The following IGF1R variants were observed in gnomAD, a reference collection of about 807,000 sequenced individuals.
IGF1R encodes insulin-like growth factor 1 receptor.
A neutral mutation model predicts 144.6 loss-of-function variants in IGF1R; 44 were observed. The observed-to-expected ratio is 0.30, with a 90% CI of 0.24 to 0.39. IGF1R has a LOEUF of 0.39. Ranked by LOEUF, IGF1R falls within the 10% of genes least tolerant of loss-of-function variation. IGF1R has a pLI of 1.00. For missense variants in IGF1R, 1,355 were observed against 1,833.7 expected (o/e 0.74, Z 4.77); for synonymous variants, 795 against 722.8 (o/e 1.10, Z -1.60).
chr15:98,691,370 T>A (rs1021811971), intron 1 of IGF1R, among the ~76,000 whole-genome samples: 1 of 149,882 alleles, frequency 6.7e-6, no homozygotes, highest in Non-Finnish European at 1.5e-5. Context: ...TTTTTTTGTT[T>A]TTTTTTTTTT....
In IGF1R at chr15:98,844,284, CAA is replaced by C. The variant is rs562679430; in HGVS notation, c.641-47039_641-47038del. 2.0e-3 allele frequency among the ~76,000 whole-genome samples: 305 copies of C among 152,252 alleles called. 2 individuals are homozygous for C. The highest frequency in any genetic ancestry group is 0.016 in the South Asian group (77 of 4,828). The stretch of plus-strand genomic sequence containing the variant: ...ACCAAGTCTAAATAAATTTGGAAGA[CAA>C]AGAGAATATCATAGTTTAGTTCAAT... On this transcript the variant is annotated intron_variant, in intron 2 of 20. Coordinates refer to ENST00000650285, the MANE Select transcript of IGF1R (RefSeq NM_000875.5).
At chr15:98,755,698 G>A (rs538618489) in intron 2 of IGF1R, among the ~76,000 whole-genome samples, 1 of 95,176 alleles carries the variant, frequency 1.1e-5, no homozygotes, top group East Asian at 3.9e-4. Context: ...CAGCCTGAAT[G>A]ACAGAGCAAA....
intron 11 of IGF1R, among the ~76,000 whole-genome samples, chr15:98,923,049 G>T (rs553906880): frequency 6.6e-6 from 1 of 152,208 alleles, no homozygotes. Context: ...GTCCTCCTGG[G>T]TGCAGTTCTG....
At position 98,913,028 on chromosome 15, in the gene IGF1R, CTTAA is replaced by C. The variant is rs1179132091; in HGVS notation, c.1590-13_1590-10del. Reference sequence around the variant, plus strand: ...GTCAGAGCCCCGAACTTTCTCTGAACTTAATTGTCTTTCAGACCCTTTAAGAATG... The same window carrying C: ...GTCAGAGCCCCGAACTTTCTCTGAACTTGTCTTTCAGACCCTTTAAGAATG... On this transcript the variant is annotated splice_polypyrimidine_tract_variant and intron_variant, in intron 7 of 20. Transcript: ENST00000650285. 4.4e-6 allele frequency: 7 copies of C among 1,595,840 alleles called. No individual in the cohort carries two copies. Among genetic ancestry groups the C allele is most frequent in the Non-Finnish European group, 4.3e-6 (5 of 1,163,352 alleles).
intron 2 of IGF1R, among the ~76,000 whole-genome samples, chr15:98,789,739 C>T (rs1193711258): frequency 6.6e-6 from 1 of 152,044 alleles, no homozygotes; most frequent in African/African-American, 2.4e-5. Flanking sequence ...CTATACAGGG[C>T]ATGTGTTCTT....
chr15:98,957,038 C>T (rs1394158762), intron 20 of IGF1R, 23 bp from the exon 21 acceptor site: 1 of 1,613,832 alleles, frequency 6.2e-7, no homozygotes, highest in African/African-American at 1.3e-5. Context: ...GTTTGGACCC[C>T]CTCCCGTGTG....
chr15:98,751,660 G>A (rs1270489198), intron 2 of IGF1R, among the ~76,000 whole-genome samples: 4 of 152,190 alleles, frequency 2.6e-5, no homozygotes, highest in East Asian at 3.9e-4. Flanking sequence ...CCTACAATAC[G>A]TCCCTTGAAA....
chr15:98,888,541 A>G (rs1764136574), intron 2 of IGF1R, among the ~76,000 whole-genome samples: 1 of 152,210 alleles, frequency 6.6e-6, no homozygotes, highest in African/African-American at 2.4e-5. Flanking sequence ...GGTAGACAGC[A>G]TATATATCCC....
At chr15:98,875,773 C>A (rs1321289582) in intron 2 of IGF1R, among the ~76,000 whole-genome samples, 2 of 152,146 alleles carry the variant, frequency 1.3e-5, no homozygotes, top group African/African-American at 4.8e-5. Context: ...GCTTCCCCAG[C>A]AGGAAGAGAG....
chr15:98,926,405 C>G (rs1416405732), intron 13 of IGF1R, among the ~76,000 whole-genome samples: 1 of 129,120 alleles, frequency 7.7e-6, no homozygotes, highest in Non-Finnish European at 1.7e-5. Context: ...TACATGATGA[C>G]AGTAATAATG....
At chr15:98,744,928 A>G (rs1201448000) in intron 2 of IGF1R, among the ~76,000 whole-genome samples, 1 of 152,054 alleles carries the variant, frequency 6.6e-6, no homozygotes, top group Admixed American at 6.5e-5. Flanking sequence ...CAGGAGGAGG[A>G]CTAGTGCTGG....
intron 1 of IGF1R, among the ~76,000 whole-genome samples, chr15:98,677,014 C>G (rs746918008): frequency 1.3e-5 from 2 of 152,148 alleles, no homozygotes; most frequent in Non-Finnish European, 2.9e-5. Flanking sequence ...TGACTCACTG[C>G]AGCCTTCAGC....
intron 2 of IGF1R, among the ~76,000 whole-genome samples, chr15:98,718,336 A>G (rs974662405): frequency 1.3e-5 from 2 of 152,186 alleles, no homozygotes; most frequent in Non-Finnish European, 2.9e-5. Context: ...CGGTTGCTTG[A>G]TACCCATGGC....
At chr15:98,651,069 T>A (rs1342650158) in intron 1 of IGF1R, 1 of 985,096 alleles carries the variant, frequency 1.0e-6, no homozygotes, top group Non-Finnish European at 1.2e-6. Flanking sequence ...CTGGGAACGG[T>A]GAGGGCGTGT....
intron 10 of IGF1R, among the ~76,000 whole-genome samples, chr15:98,920,664 C>T (rs1596451608): frequency 6.6e-6 from 1 of 152,190 alleles, no homozygotes; most frequent in Non-Finnish European, 1.5e-5. Context: ...TGATCAGCCT[C>T]ATGTCCTTAC....
intron 1 of IGF1R, among the ~76,000 whole-genome samples, chr15:98,650,167 C>G (rs536814372): frequency 6.6e-6 from 1 of 152,304 alleles, no homozygotes; most frequent in Non-Finnish European, 1.5e-5. Flanking sequence ...GGCAGCCGCC[C>G]GGCCCGCGGG....
At chr15:98,942,393 T>G (rs1443716564) in intron 18 of IGF1R, among the ~76,000 whole-genome samples, 1 of 152,150 alleles carries the variant, frequency 6.6e-6, no homozygotes, top group Non-Finnish European at 1.5e-5. Flanking sequence ...GAGTGCAGTG[T>G]TGTGATCATG....
At chr15:98,893,084 C>T (rs2014009011) in intron 3 of IGF1R, among the ~76,000 whole-genome samples, 1 of 152,196 alleles carries the variant, frequency 6.6e-6, no homozygotes, top group Non-Finnish European at 1.5e-5. Flanking sequence ...CACCAGGGGG[C>T]CTGTCTTTCT....
intron 2 of IGF1R, among the ~76,000 whole-genome samples, chr15:98,805,253 T>C (rs2056447031): frequency 6.6e-6 from 1 of 152,136 alleles, no homozygotes; most frequent in Non-Finnish European, 1.5e-5. Context: ...GTTGGCCAGC[T>C]AAGCAAAAAG....
Sources: allele counts gnomAD v4.1 joint callset (sites outside exome capture counted in the v4.1 genomes callset), GRCh38; gene constraint gnomAD v4.1.1; transcripts MANE v1.5; gene names NCBI Gene and HGNC (gene_info 2026-07-23, HGNC 2026-07-21).